ZNF385D: variants seen among roughly 807,000 people sequenced by gnomAD.
ZNF385D encodes zinc finger protein 659.
A neutral mutation model predicts 35.8 loss-of-function variants in ZNF385D; 15 were observed. The observed-to-expected ratio is 0.42, with a 90% CI of 0.28 to 0.64. ZNF385D has a LOEUF of 0.64. Ranked by LOEUF, ZNF385D falls within the 30% of genes least tolerant of loss-of-function variation. The pLI, the probability that ZNF385D is intolerant of heterozygous loss-of-function variation, is 0.23. For synonymous variants in ZNF385D, 212 were observed against 186.8 expected (o/e 1.13, Z -1.10); for missense variants, 474 against 494.6 (o/e 0.96, Z 0.39).
At chr3:21,818,400 A>C (rs2073248827) in intron 3 of ZNF385D, among the ~76,000 whole-genome samples, 1 of 152,216 alleles carries the variant, frequency 6.6e-6, no homozygotes, top group Non-Finnish European at 1.5e-5. Context: ...CTTGATTTAA[A>C]TAATCAATGG....
chr3:22,170,328 A>G (rs1694325709), intron 2 of ZNF385D, among the ~76,000 whole-genome samples: 1 of 152,218 alleles, frequency 6.6e-6, no homozygotes, highest in African/African-American at 2.4e-5. Context: ...GAATCAGGTA[A>G]ATGAGATAAC....
intron 2 of ZNF385D, among the ~76,000 whole-genome samples, chr3:21,576,829 T>G (rs967790078): frequency 6.6e-6 from 1 of 152,236 alleles, no homozygotes; most frequent in Non-Finnish European, 1.5e-5. Flanking sequence ...TAATGAGCTT[T>G]CTTTTTCTGT....
chr3:21,880,977 G>A (rs1232771157), intron 3 of ZNF385D, among the ~76,000 whole-genome samples: 1 of 151,990 alleles, frequency 6.6e-6, no homozygotes. Context: ...ATTCTGTGAA[G>A]GCTGAGAGAG....
At chr3:21,665,746 G>C (rs1315608531) in intron 1 of ZNF385D, among the ~76,000 whole-genome samples, 1 of 152,154 alleles carries the variant, frequency 6.6e-6, no homozygotes, top group African/African-American at 2.4e-5. Context: ...ATGCCAGTAA[G>C]TAGCCAGCCT....
At chr3:21,805,966 G>C (rs1249379717) in intron 3 of ZNF385D, among the ~76,000 whole-genome samples, 3 of 152,162 alleles carry the variant, frequency 2.0e-5, no homozygotes, top group Non-Finnish European at 4.4e-5. Context: ...CACTTTCAGA[G>C]TGCTTTGGAT....
At chr3:22,254,557 C>T (rs1700218894) in intron 2 of ZNF385D, among the ~76,000 whole-genome samples, 2 of 151,744 alleles carry the variant, frequency 1.3e-5, no homozygotes, top group African/African-American at 4.8e-5. Flanking sequence ...ATTTCATTTA[C>T]AGTAGTACCC....
intron 3 of ZNF385D, among the ~76,000 whole-genome samples, chr3:22,130,572 G>A (rs1375133599): frequency 2.6e-5 from 4 of 152,112 alleles, no homozygotes; most frequent in African/African-American, 9.7e-5. Context: ...CTGTGACAGG[G>A]CAGCACTGAG....
At chr3:21,830,860 A>C (rs977936055) in intron 3 of ZNF385D, among the ~76,000 whole-genome samples, 1 of 152,224 alleles carries the variant, frequency 6.6e-6, no homozygotes, top group Admixed American at 6.5e-5. Context: ...GTGTATCCAG[A>C]GGAAAACATT....
chr3:22,206,006 A>G (rs776042623), intron 2 of ZNF385D, among the ~76,000 whole-genome samples: 48 of 151,896 alleles, frequency 3.2e-4, no homozygotes, highest in Non-Finnish European at 1.6e-4. Context: ...CTTGCCATAT[A>G]CAAAAATCAA....
intron 3 of ZNF385D, among the ~76,000 whole-genome samples, chr3:22,058,256 G>A (rs560467705): frequency 6.6e-6 from 1 of 152,286 alleles, no homozygotes; most frequent in East Asian, 1.9e-4. Context: ...AAATGATAGA[G>A]TCAACTCAAT....
intron 2 of ZNF385D, among the ~76,000 whole-genome samples, chr3:22,327,587 A>T (rs1351343223): frequency 6.6e-6 from 1 of 152,148 alleles, no homozygotes; most frequent in East Asian, 1.9e-4. Context: ...ACAAATCTCC[A>T]TGTAGGTCCA....
At chr3:21,593,911 A>G (rs1401370566) in intron 2 of ZNF385D, among the ~76,000 whole-genome samples, 2 of 152,124 alleles carry the variant, frequency 1.3e-5, no homozygotes, top group Non-Finnish European at 2.9e-5. Flanking sequence ...TCCCACCACA[A>G]AGACCCAACT....
intron 3 of ZNF385D, among the ~76,000 whole-genome samples, chr3:21,905,521 C>A (rs192372240): frequency 6.6e-4 from 98 of 147,894 alleles, no homozygotes; most frequent in Admixed American, 2.4e-3. Flanking sequence ...ACCCAAGAAG[C>A]TAAACTCTTC....
In ZNF385D at chr3:21,624,980, G is replaced by A. The variant is rs190758193; in HGVS notation, c.165+39906C>T. The stretch of plus-strand genomic sequence containing the variant: ...AAAGATTCCATAAAAATTGAACTTC[G>A]TAAGCATTCATTCATGTATAAATAT... On this transcript the variant is annotated intron_variant, in intron 2 of 7. Coordinates refer to ENST00000281523, the MANE Select transcript of ZNF385D (RefSeq NM_024697.3). 3.9e-5 allele frequency among the ~76,000 whole-genome samples: 6 copies of A among 152,032 alleles called. No homozygotes were observed. In the East Asian group the frequency reaches 1.2e-3, roughly 29 times the overall value.
At chr3:21,823,787 T>C (rs1229373130) in intron 3 of ZNF385D, among the ~76,000 whole-genome samples, 6 of 152,150 alleles carry the variant, frequency 3.9e-5, no homozygotes, top group African/African-American at 9.7e-5. Flanking sequence ...TCAAAGCAGA[T>C]TGTGCCGCAT....
At chr3:22,037,461 A>G (rs1698400883) in intron 3 of ZNF385D, among the ~76,000 whole-genome samples, 1 of 152,090 alleles carries the variant, frequency 6.6e-6, no homozygotes, top group South Asian at 2.1e-4. Context: ...TCTGATGGCC[A>G]GTGATGATGA....
chr3:22,216,503 G>A (rs116682768), intron 2 of ZNF385D, among the ~76,000 whole-genome samples: 1,942 of 152,170 alleles, frequency 0.013, 25 homozygotes, highest in Non-Finnish European at 0.02. Context: ...GAGTGAGGAG[G>A]TAGAGGTTTC....
chr3:22,154,688 C>A (rs998833007), intron 3 of ZNF385D, among the ~76,000 whole-genome samples: 1 of 152,148 alleles, frequency 6.6e-6, no homozygotes, highest in Non-Finnish European at 1.5e-5. Flanking sequence ...TTCTGGTTTT[C>A]TCCTATTCTG....
At chr3:22,246,917 A>AT (rs1227466772) in intron 2 of ZNF385D, among the ~76,000 whole-genome samples, 1 of 151,528 alleles carries the variant, frequency 6.6e-6, no homozygotes, top group Admixed American at 6.6e-5. Context: ...TAGGTAGCAT[A>AT]TATTATTGTA....
Sources: allele counts gnomAD v4.1 joint callset (sites outside exome capture counted in the v4.1 genomes callset), GRCh38; gene constraint gnomAD v4.1.1; transcripts MANE v1.5; gene names NCBI Gene and HGNC (gene_info 2026-07-23, HGNC 2026-07-21).